MECR: variants seen among roughly 807,000 people sequenced by gnomAD.
MECR encodes the protein enoyl-[acyl-carrier-protein] reductase, mitochondrial.
In MECR, 37 loss-of-function variants were observed where a neutral mutation model predicts 49.1. The ratio of observed to expected loss-of-function variants is 0.75; its 90% CI spans 0.58 to 0.99. MECR has a LOEUF of 0.99. MECR is among the 50% of genes least tolerant of loss of function. The pLI is 0.00. For synonymous variants in MECR, 198 were observed against 191.1 expected, an observed-to-expected ratio of 1.04 and a Z score of -0.30; for missense variants, 470 against 479.6, an observed-to-expected ratio of 0.98 and a Z score of 0.19.
chr1:29,230,879 C>G lies in MECR; in HGVS notation c.28G>C (p.Val10Leu), dbSNP rs1049500482. 1.2e-6 allele frequency: 2 copies of G among 1,608,752 alleles called. No homozygotes were observed. The highest frequency in any genetic ancestry group is 1.3e-5 in the African/African-American group (1 of 74,820). MWVCSTLWR[V>L]RTPARQWRGL... The stretch of plus-strand genomic sequence containing the variant: ...CGCCACTGCCGGGCGGGGGTTCGCA[C>G]CCGCCACAGGGTACTGCAGACCCAC... The change falls in exon 1 of 10, where the codon GTG (valine) becomes CTG (leucine). Residue 10 changes from valine (V) to leucine (L), a missense_variant. By Grantham distance (32) the Val-to-Leu change is conservative. Transcript: ENST00000263702.
At chr1:29,220,486 C>A (rs1342358031) in intron 1 of MECR, among the ~76,000 whole-genome samples, 1 of 152,200 alleles carries the variant, frequency 6.6e-6, no homozygotes. Flanking sequence ...TGCTCTTCCT[C>A]GTTTTAGGCT....
At chr1:29,181,337 C>A in the MECR span, among the ~76,000 whole-genome samples, 1 of 152,258 alleles carries the variant, frequency 6.6e-6, no homozygotes, top group Non-Finnish European at 1.5e-5. Flanking sequence ...GAAGGGAAAA[C>A]CCAGGTCTCC....
intron 2 of MECR, 129 bp from the exon 3 acceptor site, chr1:29,216,265 G>T: frequency 3.8e-6 from 4 of 1,045,090 alleles, no homozygotes; most frequent in Non-Finnish European, 4.2e-6. Flanking sequence ...CAACCTCTGA[G>T]CCTTAGCTTG....
chr1:29,184,329 C>T, the MECR span, among the ~76,000 whole-genome samples: 1 of 151,862 alleles, frequency 6.6e-6, no homozygotes, highest in African/African-American at 2.4e-5. Flanking sequence ...CATGTGCCAC[C>T]ACGCCTGGCT....
intron 3 of MECR, among the ~76,000 whole-genome samples, chr1:29,211,975 C>T (rs937557893): frequency 7.2e-5 from 11 of 152,202 alleles, no homozygotes; most frequent in South Asian, 2.1e-4. Context: ...GCAGTCTTCA[C>T]GAGAAGAAAG....
Position 29,206,885 on chromosome 1 carries a change from C to A in MECR, c.427G>T (p.Val143Leu). The A allele has an allele frequency of 2.5e-6, 4 of 1,614,154 alleles. No homozygotes were observed. Among genetic ancestry groups the A allele is most frequent in the Non-Finnish European group, 3.4e-6 (4 of 1,180,008 alleles). ...AGLGTWRTEA[V>L]FSEEALIQVP... ...TGGATCAGTGCTTCCTCGCTGAACA[C>A]AGCCTCGGTCCGCCAGGTTCCTGAG... The change falls in exon 4 of 10, where the codon GTG becomes TTG. Residue 143 changes from valine to leucine, a missense_variant. Coordinates refer to ENST00000263702, the MANE Select transcript of MECR (RefSeq NM_016011.5).
the MECR span, among the ~76,000 whole-genome samples, chr1:29,168,091 C>T: frequency 1.3e-5 from 2 of 151,608 alleles, no homozygotes; most frequent in Non-Finnish European, 1.5e-5. Flanking sequence ...TCTCCACTCA[C>T]TGCAACCTCT....
chr1:29,171,769 C>T, the MECR span: 4 of 152,142 alleles, frequency 2.6e-5, no homozygotes, highest in East Asian at 1.9e-4. Context: ...ATTTTATTAC[C>T]GAGTCTATAT....
In MECR at chr1:29,200,545, T is replaced by G. The variant is rs1381873980; in HGVS notation, c.801A>C (p.Lys267Asn). ...PRLALNCVGG[K>N]SSTELLRQLA... The stretch of plus-strand genomic sequence containing the variant: ...ACTGCCGCAGCAGCTCTGTGGAGCT[T>G]TTCCCACCAACACAGTTGAGAGCAA... The change falls in exon 7 of 10, where the codon AAA becomes AAC. Residue 267 changes from lysine (K) to asparagine (N), a missense_variant. Coordinates refer to ENST00000263702, the MANE Select transcript of MECR (RefSeq NM_016011.5). The G allele has an allele frequency of 6.2e-7, 1 of 1,613,854 alleles. No homozygotes were observed. The highest frequency in any genetic ancestry group is 8.5e-7 in the Non-Finnish European group (1 of 1,179,812).
chr1:29,210,702 A>C (rs1677791241), intron 3 of MECR, among the ~76,000 whole-genome samples: 1 of 152,148 alleles, frequency 6.6e-6, no homozygotes, highest in Non-Finnish European at 1.5e-5. Flanking sequence ...TTTCAAGTAG[A>C]ACTCTTAGGC....
intron 1 of MECR, among the ~76,000 whole-genome samples, chr1:29,222,696 GAGA>G (rs4058748): frequency 1.3e-4 from 20 of 152,190 alleles, no homozygotes; most frequent in Admixed American, 8.5e-4. Context: ...TGAAGTGGGA[GAGA>G]AGGAGAGTGA....
At chr1:29,226,167 TAAAAAAAAAAAAAAAAAA>T (rs57234529) in intron 1 of MECR, among the ~76,000 whole-genome samples, 1 of 44,364 alleles carries the variant, frequency 2.3e-5, no homozygotes, top group African/African-American at 8.9e-5. Context: ...AGGCTCTATC[TAAAAAAAAAAAAAAAAAA>T]AAAAAAAAAA....
Position 29,216,053 on chromosome 1 carries a change from T to C in MECR, c.358A>G (p.Thr120Ala). Residue 120 changes from threonine (T) to alanine (A), a missense_variant, in exon 3 of 10, where the codon ACC becomes GCC. Physicochemically the swap from Thr to Ala is moderately conservative, Grantham distance 58 (BLOSUM62 0). Coordinates refer to ENST00000263702, the MANE Select transcript of MECR (RefSeq NM_016011.5). ...ACCCAGTCTCCTGGCTTCAGCCCGG[T>C]CACATTGCTGCCCACCGCTACCACC... ...AQVVAVGSNV[T>A]GLKPGDWVIP... 6.2e-7 allele frequency: 1 copy of C among 1,614,036 alleles called. No individual in the cohort carries two copies. Among genetic ancestry groups the C allele is most frequent in the Non-Finnish European group, 8.5e-7 (1 of 1,179,970 alleles).
chr1:29,209,830 C>T (rs2151880698), intron 3 of MECR, among the ~76,000 whole-genome samples: 1 of 152,164 alleles, frequency 6.6e-6, no homozygotes, highest in Admixed American at 6.5e-5. Context: ...GCCTATGCTT[C>T]CAAAGCTCTT....
the MECR span, among the ~76,000 whole-genome samples, chr1:29,179,314 TA>T: frequency 6.6e-6 from 1 of 152,192 alleles, no homozygotes; most frequent in Non-Finnish European, 1.5e-5. Context: ...ATTATGACAT[TA>T]AAAAAATATT....
the MECR span, among the ~76,000 whole-genome samples, chr1:29,180,733 T>C: frequency 6.6e-6 from 1 of 152,244 alleles, no homozygotes. Context: ...TTTTCCCCGT[T>C]GAGTATTTTC....
In MECR at chr1:29,216,667, T is replaced by A; in HGVS notation, c.195A>T (p.Leu65=). The A allele has an allele frequency of 6.2e-7, 1 of 1,614,238 alleles. No homozygotes were observed. Among genetic ancestry groups the A allele is most frequent in the Non-Finnish European group, 8.5e-7 (1 of 1,180,042 alleles). Residue 65 remains leucine (L), a synonymous_variant, in exon 2 of 10, where the codon CTA becomes CTT. Transcript: ENST00000263702. ...GGACATCTGATCCTCTCACAGCAGC[T>A]AGCTCCAGGTTCTTGAGTCTAAGCA... is the stretch of plus-strand genomic sequence containing the variant. The part of the protein sequence containing the change: ...AKVVELKNLE[L]AAVRGSDVRV...
At chr1:29,177,089 G>C in the MECR span, among the ~76,000 whole-genome samples, 1 of 152,094 alleles carries the variant, frequency 6.6e-6, no homozygotes, top group Non-Finnish European at 1.5e-5. Context: ...TGACAAAAGG[G>C]CAACTAGTGT....
At position 29,201,293 on chromosome 1, in the gene MECR, A is replaced by C; in HGVS notation, c.756+650T>G. 6.4e-6 allele frequency: 3 copies of C among 471,858 alleles called. No homozygotes were observed. Among genetic ancestry groups the C allele is most frequent in the Non-Finnish European group, 1.3e-5 (3 of 234,690 alleles). 29.2% of individuals were successfully genotyped at this position (471,858 alleles called of 1,614,324 possible). A position where few individuals can be genotyped will look rare whatever the true frequency, so the allele number is the denominator to read the frequency against. On this transcript the variant is annotated intron_variant, in intron 6 of 9. Coordinates refer to ENST00000263702, the MANE Select transcript of MECR (RefSeq NM_016011.5). The surrounding 1 kb of genome is among the most constrained non-coding windows in gnomAD (Gnocchi z 4.3). Reference sequence around the variant, plus strand: ...GATCTACTGCTTCAGAAATGTTCGCAAGAAGCGCATGCTCTTGAGTGTGTG... The same window carrying C: ...GATCTACTGCTTCAGAAATGTTCGCCAGAAGCGCATGCTCTTGAGTGTGTG...
Sources: allele counts gnomAD v4.1 joint callset (sites outside exome capture counted in the v4.1 genomes callset), GRCh38; gene constraint gnomAD v4.1.1; non-coding constraint Gnocchi (gnomAD v3.1); transcripts MANE v1.5; gene names NCBI Gene and HGNC (gene_info 2026-07-23, HGNC 2026-07-21).